The following VPS13B variants were observed in gnomAD, a reference collection of about 807,000 sequenced individuals.
VPS13B encodes the protein intermembrane lipid transfer protein VPS13B.
In VPS13B, 285 loss-of-function variants were observed where a neutral mutation model predicts 426.4. That is an observed-to-expected ratio of 0.67 (90% CI 0.61 to 0.74). The LOEUF (loss-of-function observed/expected upper bound fraction) is 0.74, where lower values mean the gene tolerates loss of function less well. VPS13B is among the 30% of genes least tolerant of loss of function. The pLI, the probability that VPS13B is intolerant of heterozygous loss-of-function variation, is 0.00. For missense variants in VPS13B, 4,537 were observed against 4,782.6 expected, an observed-to-expected ratio of 0.95 and a Z score of 1.51; for synonymous variants, 1,676 against 1,676.4, an observed-to-expected ratio of 1.00 and a Z score of 0.01.
At chr8:99,476,538 A>C (rs1046638672) in intron 24 of VPS13B, among the ~76,000 whole-genome samples, 12 of 152,140 alleles carry the variant, frequency 7.9e-5, no homozygotes, top group Non-Finnish European at 1.5e-5. Flanking sequence ...CAACTATTGA[A>C]AGCCACAAGT....
At chr8:99,334,972 A>G (rs142149482) in intron 19 of VPS13B, among the ~76,000 whole-genome samples, 1,585 of 152,118 alleles carry the variant, frequency 0.01, 17 homozygotes, top group Admixed American at 0.053. Flanking sequence ...ATTCGGCTGT[A>G]AATCCATCTG....
intron 3 of VPS13B, among the ~76,000 whole-genome samples, chr8:99,090,816 G>A (rs1846102229): frequency 6.6e-6 from 1 of 152,100 alleles, no homozygotes; most frequent in Admixed American, 6.6e-5. Context: ...GTAAAAATTA[G>A]ATGGTAGAAT....
At chr8:99,394,954 G>C (rs986214462) in intron 21 of VPS13B, among the ~76,000 whole-genome samples, 6 of 152,082 alleles carry the variant, frequency 3.9e-5, no homozygotes, top group African/African-American at 1.4e-4. Context: ...AGAGTAACAG[G>C]GTTTAGATTT....
At chr8:99,045,714 A>G (rs1171378883) in intron 3 of VPS13B, among the ~76,000 whole-genome samples, 4 of 152,080 alleles carry the variant, frequency 2.6e-5, no homozygotes, top group Non-Finnish European at 5.9e-5. Context: ...TCTTGAGTTG[A>G]TTTTTGTATA....
chr8:99,797,633 C>G (rs948625990), intron 43 of VPS13B, among the ~76,000 whole-genome samples: 6 of 152,112 alleles, frequency 3.9e-5, no homozygotes, highest in African/African-American at 1.4e-4. Context: ...TCCCCTTTTC[C>G]CATTCCTGCC....
At chr8:99,392,139 A>G (rs1814481836) in intron 21 of VPS13B, among the ~76,000 whole-genome samples, 1 of 152,190 alleles carries the variant, frequency 6.6e-6, no homozygotes, top group South Asian at 2.1e-4. Context: ...ACCTCTACTT[A>G]AAAGACCCAT....
At chr8:99,544,376 G>A (rs557851515) in intron 30 of VPS13B, among the ~76,000 whole-genome samples, 3 of 152,222 alleles carry the variant, frequency 2.0e-5, no homozygotes, top group African/African-American at 4.8e-5. Context: ...TGATGAGTTA[G>A]TGGGTGCAGC....
chr8:99,297,789 C>T (rs1388137728), intron 19 of VPS13B, among the ~76,000 whole-genome samples: 1 of 152,170 alleles, frequency 6.6e-6, no homozygotes, highest in Non-Finnish European at 1.5e-5. Context: ...CTGTACCTGC[C>T]TTTCCACTCA....
intron 16 of VPS13B, among the ~76,000 whole-genome samples, chr8:99,180,286 A>G (rs1331279384): frequency 6.6e-6 from 1 of 152,210 alleles, no homozygotes; most frequent in East Asian, 1.9e-4. Flanking sequence ...CAAGTATAGT[A>G]TATAGGCCAT....
At chr8:99,260,168 C>T (rs1489579933) in intron 17 of VPS13B, among the ~76,000 whole-genome samples, 2 of 151,850 alleles carry the variant, frequency 1.3e-5, no homozygotes, top group Non-Finnish European at 2.9e-5. Flanking sequence ...AAGAAGTTTC[C>T]CAGAATGCAA....
chr8:99,021,021 T>C (rs2077802724), intron 2 of VPS13B, among the ~76,000 whole-genome samples: 1 of 152,218 alleles, frequency 6.6e-6, no homozygotes, highest in South Asian at 2.1e-4. Flanking sequence ...TCAGTTTTGG[T>C]GAGTTGTATC....
At position 99,502,966 on chromosome 8, in the gene VPS13B, T is replaced by C. The variant is rs1307808618; in HGVS notation, c.4157+16T>C. The C allele has an allele frequency of 2.6e-6, 4 of 1,537,424 alleles. No homozygotes were observed. In the South Asian group the frequency reaches 3.4e-5, roughly 13 times the overall value. Reference sequence around the variant, plus strand: ...ATAGAAGCAGGTAAATAATGAATAATGAATATAAGAAAATCTGTATTTTTC... The same window carrying C: ...ATAGAAGCAGGTAAATAATGAATAACGAATATAAGAAAATCTGTATTTTTC... On this transcript the variant is annotated intron_variant, in intron 27 of 61. Transcript: ENST00000357162.
intron 36 of VPS13B, 32 bp from the exon 37 acceptor site, chr8:99,717,139 G>A: frequency 6.4e-7 from 1 of 1,567,654 alleles, no homozygotes; most frequent in Non-Finnish European, 8.8e-7. Context: ...TGATAAGGAT[G>A]AATTATATAC....
intron 17 of VPS13B, among the ~76,000 whole-genome samples, chr8:99,231,452 A>G (rs1816318738): frequency 6.6e-6 from 1 of 152,120 alleles, no homozygotes; most frequent in Non-Finnish European, 1.5e-5. Flanking sequence ...ACCCTATTAA[A>G]ATTCACGGCA....
rs900753542 is a variant in VPS13B, at chr8:99,817,519, A to G, written c.8098-21A>G. 2.5e-6 allele frequency: 4 copies of G among 1,613,452 alleles called. No homozygotes were observed. The African/African-American group carries it at 4.0e-5, about 16-fold the overall frequency. ...ATGAAGTCTGAATTGATGAAGCCTT[A>G]TATACTTAACTGTCTTTTAGATTAT... On this transcript the variant is annotated intron_variant, in intron 44 of 61. Coordinates refer to ENST00000357162, the MANE Select transcript of VPS13B (RefSeq NM_152564.5).
intron 31 of VPS13B, among the ~76,000 whole-genome samples, chr8:99,559,858 T>C (rs1210916623): frequency 6.6e-6 from 1 of 152,208 alleles, no homozygotes; most frequent in Non-Finnish European, 1.5e-5. Context: ...CCAGCTTTGT[T>C]CTTTTTGCTT....
chr8:99,095,261 C>A (rs562257231), intron 3 of VPS13B, among the ~76,000 whole-genome samples: 1 of 152,088 alleles, frequency 6.6e-6, no homozygotes, highest in Non-Finnish European at 1.5e-5. Context: ...GTTAACATTA[C>A]CCCATTTTTA....
rs909953546 is a variant in VPS13B at position 99,414,047 on chromosome 8, A to T, written c.3083-17490A>T. ...TGGGGTGTTAAAGTGTCCCACTATTATTGTGTGGGAGTCTAAGTCTCTTTG... is the reference window on the plus strand; with the variant it reads ...TGGGGTGTTAAAGTGTCCCACTATTTTTGTGTGGGAGTCTAAGTCTCTTTG... On this transcript the variant is annotated intron_variant, in intron 21 of 61. Coordinates refer to ENST00000357162, the MANE Select transcript of VPS13B (RefSeq NM_152564.5). Among the ~76,000 whole-genome samples the T allele has an allele frequency of 2.6e-5, 4 of 152,080 alleles. No homozygotes were observed. In the East Asian group the frequency reaches 5.8e-4, roughly 22 times the overall value.
At chr8:99,700,064 T>G in intron 36 of VPS13B, 132 bp downstream of exon 36, 6 of 1,081,122 alleles carry the variant, frequency 5.5e-6, no homozygotes, top group Non-Finnish European at 7.8e-6. Flanking sequence ...GATGAGGACA[T>G]TTCTGGTTTG....
Sources: gnomAD v4.1 joint callset for allele counts (sites outside exome capture counted in the v4.1 genomes callset) on GRCh38, gnomAD v4.1.1 for gene constraint, MANE v1.5 for transcripts, NCBI Gene and HGNC (gene_info 2026-07-23, HGNC 2026-07-21) for gene names.